PCDH15: variants seen among roughly 807,000 people sequenced by gnomAD.
The protein encoded by PCDH15 is protocadherin related 15, also known as protocadherin-15.
A neutral mutation model predicts 178.5 loss-of-function variants in PCDH15; 129 were observed. The observed-to-expected ratio is 0.72, with a 90% CI of 0.63 to 0.84. The LOEUF (loss-of-function observed/expected upper bound fraction) is 0.84, where lower values mean the gene tolerates loss of function less well. Among genes scored for constraint, PCDH15 ranks in the 40% least tolerant of loss-of-function variants. The pLI, the probability that PCDH15 is intolerant of heterozygous loss-of-function variation, is 0.00. For missense variants in PCDH15, 2,230 were observed against 2,099.9 expected (o/e 1.06, Z -1.21); for synonymous variants, 800 against 732.0 (o/e 1.09, Z -1.50).
chr10:54,984,725 C>A (rs886326271), intron 2 of PCDH15, among the ~76,000 whole-genome samples: 26 of 152,114 alleles, frequency 1.7e-4, no homozygotes, highest in African/African-American at 6.3e-4. Flanking sequence ...GTAGTCCCAA[C>A]TACTCAAGAG....
intron 29 of PCDH15, among the ~76,000 whole-genome samples, chr10:53,836,752 T>C (rs1331210000): frequency 6.6e-6 from 1 of 152,160 alleles, no homozygotes; most frequent in Non-Finnish European, 1.5e-5. Context: ...ACAAAAAGCC[T>C]ACAAAATATA....
chr10:54,179,421 G>T (rs2047759065), intron 13 of PCDH15, among the ~76,000 whole-genome samples: 1 of 136,348 alleles, frequency 7.3e-6, no homozygotes, highest in Admixed American at 7.5e-5. Context: ...GACTGTTGTG[G>T]GGTGGGGGGA....
In PCDH15 at chr10:53,804,327, A is replaced by T. The variant is rs1304734877; in HGVS notation, c.*2252T>A. 6.6e-6 allele frequency: 1 copy of T among 152,012 alleles called. No homozygotes were observed. The highest frequency in any genetic ancestry group is 1.9e-4 in the East Asian group (1 of 5,192). 9.4% of individuals were successfully genotyped at this position (152,012 alleles called of 1,614,324 possible). Reference sequence around the variant, plus strand: ...AGTTTAAAATACAGTGACATCTCATATGTCAGGCCACTAGACTTCTGCCAA... The same window carrying T: ...AGTTTAAAATACAGTGACATCTCATTTGTCAGGCCACTAGACTTCTGCCAA... On this transcript the variant is annotated 3_prime_UTR_variant, in exon 38 of 38. Transcript: ENST00000644397.
chr10:55,363,279 A>T (rs1845273021), intron 2 of PCDH15, among the ~76,000 whole-genome samples: 1 of 152,238 alleles, frequency 6.6e-6, no homozygotes, highest in Non-Finnish European at 1.5e-5. Flanking sequence ...TGGCATGAAT[A>T]AATGTATATT....
chr10:53,836,457 T>C (rs763499177), intron 29 of PCDH15, among the ~76,000 whole-genome samples: 47 of 152,072 alleles, frequency 3.1e-4, no homozygotes, highest in Non-Finnish European at 5.3e-4. Flanking sequence ...GGCACAAGCA[T>C]ATAGAGAGCA....
intron 2 of PCDH15, among the ~76,000 whole-genome samples, chr10:55,411,909 T>C (rs1466355387): frequency 3.3e-5 from 5 of 152,000 alleles, no homozygotes; most frequent in Admixed American, 1.3e-4. Context: ...GATAGACATA[T>C]AAATGATAGA....
intron 1 of PCDH15, among the ~76,000 whole-genome samples, chr10:55,246,593 T>A (rs1841685026): frequency 6.6e-6 from 1 of 152,166 alleles, no homozygotes; most frequent in South Asian, 2.1e-4. Flanking sequence ...GTTTCTAATC[T>A]AACTGTATTA....
chr10:55,549,926 TGGG>T (rs34316603), intron 2 of PCDH15, among the ~76,000 whole-genome samples: 2 of 151,794 alleles, frequency 1.3e-5, no homozygotes, highest in Non-Finnish European at 2.9e-5. Flanking sequence ...CTGTGAGTGT[TGGG>T]GGTGTGTGTG....
intron 2 of PCDH15, among the ~76,000 whole-genome samples, chr10:55,028,929 A>G (rs977999339): frequency 6.6e-6 from 1 of 152,028 alleles, no homozygotes; most frequent in Non-Finnish European, 1.5e-5. Flanking sequence ...TTTCTGTTTC[A>G]CGTAATCATA....
At chr10:54,966,134 C>T (rs1838782078) in intron 2 of PCDH15, among the ~76,000 whole-genome samples, 1 of 151,794 alleles carries the variant, frequency 6.6e-6, no homozygotes, top group Admixed American at 6.6e-5. Context: ...ACTTAGACTT[C>T]AGTTTTGCTG....
intron 2 of PCDH15, among the ~76,000 whole-genome samples, chr10:54,985,948 T>A (rs556184414): frequency 6.6e-6 from 1 of 152,302 alleles, no homozygotes; most frequent in Non-Finnish European, 1.5e-5. Context: ...GGCCTTAGAG[T>A]CATGTGATTT....
At chr10:53,988,834 C>T (rs1028962975) in intron 21 of PCDH15, among the ~76,000 whole-genome samples, 10 of 151,540 alleles carry the variant, frequency 6.6e-5, no homozygotes, top group Non-Finnish European at 8.8e-5. Context: ...TCCCCACTCC[C>T]GAAATATGTG....
chr10:55,110,726 A>G (rs188203322), intron 2 of PCDH15, among the ~76,000 whole-genome samples: 2 of 152,122 alleles, frequency 1.3e-5, no homozygotes, highest in African/African-American at 4.8e-5. Context: ...ACCTAAAAAG[A>G]GTTTAACAAG....
chr10:54,206,158 C>T (rs2050772105), intron 10 of PCDH15, among the ~76,000 whole-genome samples: 1 of 152,032 alleles, frequency 6.6e-6, no homozygotes, highest in African/African-American at 2.4e-5. Flanking sequence ...CACATGAATC[C>T]TCAAAGCTCT....
intron 1 of PCDH15, among the ~76,000 whole-genome samples, chr10:54,722,192 A>G (rs1941732911): frequency 6.6e-6 from 1 of 151,798 alleles, no homozygotes; most frequent in Non-Finnish European, 1.5e-5. Flanking sequence ...ACCCTCAACA[A>G]ATTAAACATT....
At chr10:54,566,102 A>C (rs2088993816) in intron 2 of PCDH15, among the ~76,000 whole-genome samples, 1 of 152,144 alleles carries the variant, frequency 6.6e-6, no homozygotes, top group South Asian at 2.1e-4. Flanking sequence ...AAATACATAC[A>C]TACATACATA....
At chr10:54,666,647 G>C (rs1307200800) in intron 1 of PCDH15, among the ~76,000 whole-genome samples, 1 of 151,780 alleles carries the variant, frequency 6.6e-6, no homozygotes, top group Non-Finnish European at 1.5e-5. Flanking sequence ...AAAATATAAA[G>C]AGAAACCATA....
intron 18 of PCDH15, among the ~76,000 whole-genome samples, chr10:54,024,509 T>C (rs2093023847): frequency 6.6e-6 from 1 of 152,200 alleles, no homozygotes; most frequent in African/African-American, 2.4e-5. Flanking sequence ...TATTTGCATC[T>C]TCTTTGAAAC....
At chr10:55,325,101 A>C (rs1843996323) in intron 2 of PCDH15, among the ~76,000 whole-genome samples, 3 of 152,160 alleles carry the variant, frequency 2.0e-5, no homozygotes, top group African/African-American at 7.2e-5. Flanking sequence ...AACATTCCCT[A>C]TTCATGGACA....
Sources: allele counts gnomAD v4.1 joint callset (sites outside exome capture counted in the v4.1 genomes callset), GRCh38; gene constraint gnomAD v4.1.1; transcripts MANE v1.5; gene names NCBI Gene and HGNC (gene_info 2026-07-23, HGNC 2026-07-21).